TNK2: variants seen among roughly 807,000 people sequenced by gnomAD.
TNK2 encodes the protein activated CDC42 kinase 1.
TNK2 carries 83 observed loss-of-function variants against 101.8 expected under a neutral mutation model. The ratio of observed to expected loss-of-function variants is 0.82; its 90% CI spans 0.68 to 0.98. The LOEUF (loss-of-function observed/expected upper bound fraction) is 0.98, where lower values mean the gene tolerates loss of function less well. Ranked by LOEUF, TNK2 falls within the 50% of genes least tolerant of loss-of-function variation. The probability of loss-of-function intolerance (pLI) is 0.00; values close to 1 mark genes in which losing one functional copy is unlikely to be tolerated. For synonymous variants in TNK2, 804 were observed against 633.0 expected (o/e 1.27, Z -4.06); for missense variants, 1,665 against 1,483.2 (o/e 1.12, Z -2.01).
intron 12 of TNK2, chr3:195,869,053 C>A (rs988423358): frequency 2.1e-6 from 1 of 468,182 alleles, no homozygotes; most frequent in Admixed American, 3.8e-5. Flanking sequence ...GTTAGTGAGC[C>A]CTCATCCCCG....
chr3:195,892,843 C>T, intron 1 of TNK2: 4 of 750,652 alleles, frequency 5.3e-6, no homozygotes, highest in Non-Finnish European at 6.9e-6. Flanking sequence ...TCCCTCCCTC[C>T]CCAGCTGAGC....
In TNK2 at chr3:195,868,214, G is replaced by C. The variant is rs747276199; in HGVS notation, c.2084C>G (p.Pro695Arg). The C allele has an allele frequency of 6.2e-7, 1 of 1,607,140 alleles. No homozygotes were observed. Among genetic ancestry groups the C allele is most frequent in the Non-Finnish European group, 8.5e-7 (1 of 1,179,010 alleles). Reference sequence around the variant, plus strand: ...GAACAGGTTGTCCTCCAGGGGAGGGGGCGGCCGCGCCTGCTCAGGCACAAA... The same window carrying C: ...GAACAGGTTGTCCTCCAGGGGAGGGCGCGGCCGCGCCTGCTCAGGCACAAA... ...YAFVPEQARP[P>R]PPLEDNLFLP... The change falls in exon 13 of 16, where the codon CCC becomes CGC. Residue 695 changes from proline (P) to arginine (R), a missense_variant. Physicochemically the swap from Pro to Arg is moderately radical, Grantham distance 103 (BLOSUM62 -2). This residue lies in a region of TNK2 where 1,136 missense variants were observed against 894.9 expected (regional missense o/e 1.27). Coordinates refer to ENST00000672887, the MANE Select transcript of TNK2 (RefSeq NM_001382273.1).
At chr3:195,873,460 GC>G (rs1746891907) in intron 9 of TNK2, among the ~76,000 whole-genome samples, 1 of 151,800 alleles carries the variant, frequency 6.6e-6, no homozygotes. Flanking sequence ...GTCTGGGCAG[GC>G]GGGGGCGGTG....
At chr3:195,866,024 G>A (rs1025205911) in intron 15 of TNK2, among the ~76,000 whole-genome samples, 9 of 152,286 alleles carry the variant, frequency 5.9e-5, no homozygotes, top group African/African-American at 2.2e-4. Flanking sequence ...CTCCTGCCAT[G>A]GTGCTGGCTC....
chr3:195,890,186 A>C (rs1348844633), intron 1 of TNK2, among the ~76,000 whole-genome samples: 1 of 152,184 alleles, frequency 6.6e-6, no homozygotes, highest in African/African-American at 2.4e-5. Flanking sequence ...TCCAAACTTA[A>C]AGCTGTAACC....
chr3:195,869,930 C>T (rs1422716429), intron 11 of TNK2, 184 bp downstream of exon 11: 17 of 571,014 alleles, frequency 3.0e-5, no homozygotes, highest in South Asian at 7.7e-5. Flanking sequence ...CCCACCTCGG[C>T]GGATACAGCT....
At chr3:195,890,044 T>G (rs1180511301) in intron 1 of TNK2, among the ~76,000 whole-genome samples, 3 of 152,214 alleles carry the variant, frequency 2.0e-5, no homozygotes, top group Non-Finnish European at 4.4e-5. Flanking sequence ...GCCAACACAG[T>G]GCCAGTTCCG....
At position 195,895,428 on chromosome 3, in the gene TNK2, G is replaced by A. The variant is rs1216881201; in HGVS notation, c.-18-6822C>T. The A allele has an allele frequency of 2.7e-6, 4 of 1,490,696 alleles. No individual in the cohort carries two copies. In the South Asian group the frequency reaches 3.8e-5, roughly 14 times the overall value. 92.3% of individuals were successfully genotyped at this position (1,490,696 alleles called of 1,614,324 possible). ...CGGGCCTCGAGCATCCTCCAGAAGTGCAGGGCCGCTACTGCGTCTCAGCCC... is the reference window on the plus strand; with the variant it reads ...CGGGCCTCGAGCATCCTCCAGAAGTACAGGGCCGCTACTGCGTCTCAGCCC... On this transcript the variant is annotated intron_variant, in intron 1 of 15. Coordinates refer to ENST00000672887, the MANE Select transcript of TNK2 (RefSeq NM_001382273.1).
rs982908058 is a variant in TNK2 at position 195,869,335 on chromosome 3, G to A, written c.1588+162C>T. 51 of 749,730 alleles carry A rather than the reference G, an allele frequency of 6.8e-5. No homozygotes were observed. In the East Asian group the frequency reaches 7.8e-4, roughly 11 times the overall value. The allele number at this position is 749,730 out of a possible 1,614,324, so 46.4% of individuals were successfully genotyped here. On this transcript the variant is annotated intron_variant, in intron 12 of 15. Coordinates refer to ENST00000672887, the MANE Select transcript of TNK2 (RefSeq NM_001382273.1). ...CCCAGGCTCCGGGGGGCGGGCTCGAGGGGGGGCAGGCATGCTAGGCCAGGG... is the reference window on the plus strand; with the variant it reads ...CCCAGGCTCCGGGGGGCGGGCTCGAAGGGGGGCAGGCATGCTAGGCCAGGG...
chr3:195,881,694 CCG>C (rs1419814293), intron 6 of TNK2, among the ~76,000 whole-genome samples: 4 of 133,970 alleles, frequency 3.0e-5, no homozygotes, highest in South Asian at 2.6e-4. Context: ...TAACACCCCC[CCG>C]CCAGCAATGC....
intron 10 of TNK2, among the ~76,000 whole-genome samples, chr3:195,871,298 C>T (rs374093260): frequency 6.6e-6 from 1 of 152,102 alleles, no homozygotes; most frequent in African/African-American, 2.4e-5. Context: ...GGGCCTCTCC[C>T]AGGTATGGAG....
chr3:195,891,829 G>T (rs1445405049), intron 1 of TNK2: 1 of 780,280 alleles, frequency 1.3e-6, no homozygotes. Flanking sequence ...AGGGCTGGGG[G>T]AGACCCAGAG....
At chr3:195,866,239 C>T (rs1392279214) in intron 15 of TNK2, among the ~76,000 whole-genome samples, 5 of 151,700 alleles carry the variant, frequency 3.3e-5, no homozygotes, top group East Asian at 1.9e-4. Flanking sequence ...CTCCCTCTGT[C>T]GCCCAGGATG....
Position 195,878,723 on chromosome 3 carries a change from G to T in TNK2, c.1015-131C>A. ...TGGCCTCCAAAGAAGGGATCTGCCT[G>T]CCTGGGAGGGGCCCTCTCCAGAGCC... is the stretch of plus-strand genomic sequence containing the variant. On this transcript the variant is annotated intron_variant, in intron 7 of 15. Transcript: ENST00000672887. This position sits in a 1 kb window ranked among gnomAD's most constrained non-coding sequence, Gnocchi z 4.7. 3 of 1,356,082 alleles carry T rather than the reference G, an allele frequency of 2.2e-6. No individual in the cohort carries two copies. The highest frequency in any genetic ancestry group is 1.4e-5 in the South Asian group (1 of 70,792). The allele number at this position is 1,356,082 out of a possible 1,614,324, so 84.0% of individuals were successfully genotyped here.
intron 1 of TNK2, among the ~76,000 whole-genome samples, chr3:195,907,410 G>A (rs1350698016): frequency 2.0e-5 from 3 of 152,242 alleles, no homozygotes; most frequent in Non-Finnish European, 2.9e-5. Context: ...GTTCGGGACA[G>A]GGGTCTGGGT....
At chr3:195,887,691 T>C (rs1756326268) in intron 2 of TNK2, among the ~76,000 whole-genome samples, 1 of 152,162 alleles carries the variant, frequency 6.6e-6, no homozygotes, top group Non-Finnish European at 1.5e-5. Flanking sequence ...AGGAAAAATA[T>C]GAAGATAAGG....
At chr3:195,898,428 C>T (rs941728210) in intron 1 of TNK2, among the ~76,000 whole-genome samples, 1 of 152,104 alleles carries the variant, frequency 6.6e-6, no homozygotes, top group African/African-American at 2.4e-5. Flanking sequence ...AAGAGTCCAC[C>T]ACGGCACCTG....
chr3:195,895,978 CG>C lies in TNK2; in HGVS notation c.-18-7373del, dbSNP rs371614796. The C allele has an allele frequency of 2.5e-3, 798 of 324,818 alleles. 8 individuals are homozygous for C. Among genetic ancestry groups the C allele is most frequent in the African/African-American group, 0.017 (734 of 43,564 alleles). 20.1% of individuals were successfully genotyped at this position (324,818 alleles called of 1,614,324 possible). A position where few individuals can be genotyped will look rare whatever the true frequency, so the allele number is the denominator to read the frequency against. On this transcript the variant is annotated intron_variant, in intron 1 of 15. Transcript: ENST00000672887. The stretch of plus-strand genomic sequence containing the variant: ...TCCCGCGCAGGCCACGCCCCCGCCC[CG>C]AGGCCCCCGCGGCCGGTTCCCCGCG...
chr3:195,896,299 T>G, intron 1 of TNK2: 2 of 332,738 alleles, frequency 6.0e-6, no homozygotes, highest in South Asian at 4.2e-5. Flanking sequence ...GCACCTTCCC[T>G]GGGTTGGGGC....
Sources: gnomAD v4.1 joint callset for allele counts (sites outside exome capture counted in the v4.1 genomes callset) on GRCh38, gnomAD v4.1.1 for gene constraint, gnomAD v4.1.1 regional missense constraint, Gnocchi (gnomAD v3.1) non-coding constraint, MANE v1.5 for transcripts, NCBI Gene and HGNC (gene_info 2026-07-23, HGNC 2026-07-21) for gene names.